FBXL16: variants seen among roughly 807,000 people sequenced by gnomAD.
FBXL16 encodes F-box and leucine rich repeat protein 16, also known as F-box/LRR-repeat protein 16.
Under a neutral mutation model 36.7 loss-of-function variants are expected in FBXL16, and 7 were observed. The observed-to-expected ratio is 0.19, with a 90% CI of 0.11 to 0.36. The LOEUF is 0.36. Ranked by LOEUF, FBXL16 falls within the 10% of genes least tolerant of loss-of-function variation. The probability of loss-of-function intolerance (pLI) is 1.00; values close to 1 mark genes in which losing one functional copy is unlikely to be tolerated. For missense variants in FBXL16, 463 were observed against 659.4 expected, an observed-to-expected ratio of 0.70 and a Z score of 3.26; for synonymous variants, 355 against 308.7, an observed-to-expected ratio of 1.15 and a Z score of -1.57.
At position 697,193 on chromosome 16, in the gene FBXL16, CCCAGCCAGGGCAGCCCGGGACAGTGGA is replaced by C; in HGVS notation, c.186_212del (p.Pro63_Gly71del). 5 of 1,547,974 alleles carry C rather than the reference CCCAGCCAGGGCAGCCCGGGACAGTGGA, an allele frequency of 3.2e-6. No homozygotes were observed. Among genetic ancestry groups the C allele is most frequent in the Non-Finnish European group, 4.3e-6 (5 of 1,151,994 alleles). On this transcript the variant is annotated inframe_deletion, in exon 2 of 6. Transcript: ENST00000397621. The surrounding 1 kb of genome is among the most constrained non-coding windows in gnomAD (Gnocchi z 4.6). The stretch of plus-strand genomic sequence containing the variant: ...GTCCACCTGCCGGGGTGCACGGGCC[CCCAGCCAGGGCAGCCCGGGACAGTGGA>C]GCAGCCAGGCTGGGTGGTGGGAGGG...
At chr16:702,126 G>A (rs1217108213) in intron 1 of FBXL16, among the ~76,000 whole-genome samples, 1 of 152,158 alleles carries the variant, frequency 6.6e-6, no homozygotes, top group Admixed American at 6.5e-5. Flanking sequence ...ACGGCCATGT[G>A]GGGGCCCCGC....
chr16:695,504 A>C lies in FBXL16; in HGVS notation c.1053T>G (p.Leu351=). 6.3e-7 allele frequency: 1 copy of C among 1,594,572 alleles called. No homozygotes were observed. Among genetic ancestry groups the C allele is most frequent in the South Asian group, 1.1e-5 (1 of 89,790 alleles). The change falls in exon 3 of 6, where the codon CTT becomes CTG. Residue 351 remains leucine (L), a synonymous_variant. Transcript: ENST00000397621. ...TGATGCGTGGGCACCACGAGAGGTC[A>C]AGGCTGCGCAGCTTGCGCAGGTTCT... is the stretch of plus-strand genomic sequence containing the variant. ...VAENLRKLRS[L]DLSWCPRITD...
chr16:694,340 C>A lies in FBXL16; in HGVS notation c.1375G>T (p.Gly459Trp). ...TACTTGAAGAGCTCGGGGGTGGCCC[C>A]GGGGCAGTTGGTCAGCTCCAGCTCC... ...LEELELTNCP[G>W]ATPELFKYFS... Residue 459 changes from glycine to tryptophan, a missense_variant, in exon 6 of 6, where the codon GGG (glycine) becomes TGG (tryptophan). Around this residue, in one of 3 missense-constraint regions of FBXL16, gnomAD observed 134 missense variants for 172.0 expected, o/e 0.78. Transcript: ENST00000397621. 1 of 1,519,854 alleles carries A rather than the reference C, an allele frequency of 6.6e-7. No individual in the cohort carries two copies. Among genetic ancestry groups the A allele is most frequent in the Non-Finnish European group, 8.8e-7 (1 of 1,140,548 alleles). The allele number at this position is 1,519,854 out of a possible 1,614,324, so 94.1% of individuals were successfully genotyped here.
At chr16:700,693 G>A (rs2040049218) in intron 1 of FBXL16, among the ~76,000 whole-genome samples, 2 of 152,230 alleles carry the variant, frequency 1.3e-5, no homozygotes, top group Admixed American at 1.3e-4. Flanking sequence ...CCCTAGAGCG[G>A]GGACCCTCGC....
At chr16:700,568 C>A (rs185363208) in intron 1 of FBXL16, among the ~76,000 whole-genome samples, 5 of 152,260 alleles carry the variant, frequency 3.3e-5, no homozygotes, top group African/African-American at 1.2e-4. Context: ...GGAGGCCTGG[C>A]GCGGGGCTGC....
intron 1 of FBXL16, among the ~76,000 whole-genome samples, chr16:698,734 T>C (rs1317501019): frequency 1.3e-5 from 2 of 151,616 alleles, no homozygotes; most frequent in Non-Finnish European, 2.9e-5. Context: ...GCCAACATGG[T>C]GAAACCCCTT....
At chr16:699,231 G>T (rs1444169406) in intron 1 of FBXL16, among the ~76,000 whole-genome samples, 1 of 152,240 alleles carries the variant, frequency 6.6e-6, no homozygotes, top group Non-Finnish European at 1.5e-5. Flanking sequence ...GTTATCTTCA[G>T]GCCAGCGACA....
chr16:700,690 G>A (rs1468709513), intron 1 of FBXL16, among the ~76,000 whole-genome samples: 1 of 152,070 alleles, frequency 6.6e-6, no homozygotes, highest in African/African-American at 2.4e-5. Flanking sequence ...TGCCCCTAGA[G>A]CGGGGACCCT....
chr16:696,478 G>A (rs932622289), intron 2 of FBXL16, among the ~76,000 whole-genome samples: 1 of 152,176 alleles, frequency 6.6e-6, no homozygotes, highest in Non-Finnish European at 1.5e-5. Flanking sequence ...TGACCAGGCT[G>A]GTCATGAACG....
At chr16:696,088 G>A in intron 2 of FBXL16, 165 bp from the exon 3 acceptor site, 11 of 1,053,424 alleles carry the variant, frequency 1.0e-5, no homozygotes, top group Admixed American at 9.4e-5. Flanking sequence ...GCCAGGGCAG[G>A]TGCTGGGGGC....
intron 1 of FBXL16, among the ~76,000 whole-genome samples, chr16:701,710 G>A (rs984281011): frequency 3.3e-5 from 5 of 152,210 alleles, no homozygotes; most frequent in African/African-American, 1.2e-4. Flanking sequence ...ACCCAGAGGG[G>A]CTCGGACGAC....
Position 697,333 on chromosome 16 carries a change from C to G in FBXL16, c.73G>C (p.Gly25Arg), listed in dbSNP as rs1168811071. Residue 25 changes from glycine (G) to arginine (R), a missense_variant, in exon 2 of 6, where the codon GGC becomes CGC. This residue lies in a region of FBXL16 where 263 missense variants were observed against 341.1 expected (regional missense o/e 0.77). Coordinates refer to ENST00000397621, the MANE Select transcript of FBXL16 (RefSeq NM_153350.4). The surrounding 1 kb of genome is among the most constrained non-coding windows in gnomAD (Gnocchi z 4.6). ...LPRNGLVKLP[G>R]QPNGLGAASI... ...GCCGCACCCAGGCCGTTGGGCTGGC[C>G]CGGCAGCTTCACCAGACCGTTTCGA... 1 of 1,535,656 alleles carries G rather than the reference C, an allele frequency of 6.5e-7. No individual in the cohort carries two copies. Among genetic ancestry groups the G allele is most frequent in the Admixed American group, 2.0e-5 (1 of 50,980 alleles).
chr16:705,301 G>A (rs1485382125), intron 1 of FBXL16, among the ~76,000 whole-genome samples: 1 of 152,106 alleles, frequency 6.6e-6, no homozygotes, highest in African/African-American at 2.4e-5. Flanking sequence ...CCGGGCCAGG[G>A]GCCGGGGCGC....
chr16:696,427 C>T (rs2040011846), intron 2 of FBXL16, among the ~76,000 whole-genome samples: 3 of 152,062 alleles, frequency 2.0e-5, no homozygotes, highest in African/African-American at 7.3e-5. Flanking sequence ...CCAGGCCTGG[C>T]TAATTTCTGC....
intron 2 of FBXL16, 151 bp from the exon 3 acceptor site, chr16:696,074 C>T (rs2040009051): frequency 1.0e-5 from 12 of 1,205,194 alleles, no homozygotes; most frequent in Non-Finnish European, 1.2e-5. Context: ...GAGCCCAGGG[C>T]CTGGCCAGGG....
At chr16:698,602 C>T (rs1222904916) in intron 1 of FBXL16, among the ~76,000 whole-genome samples, 2 of 152,218 alleles carry the variant, frequency 1.3e-5, no homozygotes, top group South Asian at 2.1e-4. Context: ...TCCACATGCA[C>T]AGGAGCTTCC....
At chr16:698,913 CAA>C (rs767619638) in intron 1 of FBXL16, among the ~76,000 whole-genome samples, 23 of 89,708 alleles carry the variant, frequency 2.6e-4, no homozygotes, top group Non-Finnish European at 4.7e-4. Flanking sequence ...GACTTTGTCT[CAA>C]AAAAAAAAAA....
At chr16:699,401 C>A (rs1032220723) in intron 1 of FBXL16, among the ~76,000 whole-genome samples, 5 of 152,204 alleles carry the variant, frequency 3.3e-5, no homozygotes, top group Non-Finnish European at 7.3e-5. Flanking sequence ...TCCTGCCGCC[C>A]CCACCCCGAC....
intron 4 of FBXL16, 128 bp downstream of exon 4, chr16:694,861 CGTT>C: frequency 7.2e-6 from 9 of 1,247,214 alleles, no homozygotes; most frequent in Admixed American, 2.3e-5. Context: ...GGGACCCCTG[CGTT>C]CCGCTTAGGT....
Sources: gnomAD v4.1 joint callset for allele counts (sites outside exome capture counted in the v4.1 genomes callset) on GRCh38, gnomAD v4.1.1 for gene constraint, gnomAD v4.1.1 regional missense constraint, Gnocchi (gnomAD v3.1) non-coding constraint, MANE v1.5 for transcripts, NCBI Gene and HGNC (gene_info 2026-07-23, HGNC 2026-07-21) for gene names.